Variants in TENM2 observed in about 807,000 individuals in gnomAD.
TENM2 encodes the protein teneurin transmembrane protein 2.
A neutral mutation model predicts 245.2 loss-of-function variants in TENM2; 52 were observed. That is an observed-to-expected ratio of 0.21 (90% confidence interval 0.17 to 0.27). The LOEUF is 0.27. TENM2 is among the 10% of genes least tolerant of loss of function. The pLI, the probability that TENM2 is intolerant of heterozygous loss-of-function variation, is 1.00. For synonymous variants in TENM2, 1,363 were observed against 1,438.9 expected, an observed-to-expected ratio of 0.95 and a Z score of 1.19; for missense variants, 3,046 against 3,666.8, an observed-to-expected ratio of 0.83 and a Z score of 4.37.
intron 2 of TENM2, among the ~76,000 whole-genome samples, chr5:167,683,351 A>C (rs1756865829): frequency 6.6e-6 from 1 of 152,114 alleles, no homozygotes; most frequent in African/African-American, 2.4e-5. Flanking sequence ...TGCTGAAAAG[A>C]AAGATGGCTC....
intron 2 of TENM2, among the ~76,000 whole-genome samples, chr5:167,620,166 A>T (rs1778067595): frequency 2.6e-5 from 4 of 152,292 alleles, no homozygotes; most frequent in Admixed American, 2.0e-4. Context: ...AGTCTAATTC[A>T]GACCTGCCCT....
chr5:167,312,606 A>C (rs1011179078), intron 1 of TENM2, among the ~76,000 whole-genome samples: 26 of 152,204 alleles, frequency 1.7e-4, no homozygotes, highest in Non-Finnish European at 3.2e-4. Context: ...GAACAAAAAA[A>C]AGAAATGATT....
intron 1 of TENM2, among the ~76,000 whole-genome samples, chr5:167,314,788 A>G (rs1210517681): frequency 6.6e-6 from 1 of 152,112 alleles, no homozygotes; most frequent in African/African-American, 2.4e-5. Context: ...CTTAATATAT[A>G]TTAATGATAT....
intron 12 of TENM2, among the ~76,000 whole-genome samples, chr5:168,150,430 A>G (rs1329103654): frequency 6.6e-6 from 1 of 152,162 alleles, no homozygotes; most frequent in Non-Finnish European, 1.5e-5. Flanking sequence ...CAGGGAGACC[A>G]CCCCACCACT....
At chr5:167,601,174 G>T (rs1198821054) in intron 2 of TENM2, among the ~76,000 whole-genome samples, 3 of 152,208 alleles carry the variant, frequency 2.0e-5, no homozygotes, top group Non-Finnish European at 4.4e-5. Flanking sequence ...ACTGGTACTT[G>T]TTCTTTACTC....
At chr5:168,257,040 A>T (rs1292631992) in intron 27 of TENM2, among the ~76,000 whole-genome samples, 2 of 152,098 alleles carry the variant, frequency 1.3e-5, no homozygotes, top group Non-Finnish European at 2.9e-5. Flanking sequence ...CATTCTATAG[A>T]TACTTACGGA....
At chr5:167,746,388 C>G (rs1299662179) in intron 2 of TENM2, among the ~76,000 whole-genome samples, 1 of 152,118 alleles carries the variant, frequency 6.6e-6, no homozygotes, top group East Asian at 1.9e-4. Flanking sequence ...GACATGGATA[C>G]ATAGATCGAT....
chr5:167,008,413 G>GT, the TENM2 span, among the ~76,000 whole-genome samples: 13 of 152,172 alleles, frequency 8.5e-5, no homozygotes, highest in Non-Finnish European at 1.3e-4. Context: ...GTGTCTGCCT[G>GT]TTTTCCTACA....
At chr5:167,808,038 A>T (rs1350574364) in intron 2 of TENM2, among the ~76,000 whole-genome samples, 2 of 152,230 alleles carry the variant, frequency 1.3e-5, no homozygotes, top group Admixed American at 1.3e-4. Context: ...AATGGACACC[A>T]TTCAATCACT....
chr5:167,704,677 CTT>C (rs1012854785), intron 2 of TENM2, among the ~76,000 whole-genome samples: 16 of 152,150 alleles, frequency 1.1e-4, no homozygotes, highest in African/African-American at 3.4e-4. Context: ...CACAGAGTGA[CTT>C]TGAGTTGCAG....
chr5:167,214,793 A>G, the TENM2 span, among the ~76,000 whole-genome samples: 7 of 152,206 alleles, frequency 4.6e-5, no homozygotes, highest in Non-Finnish European at 8.8e-5. Flanking sequence ...CAGTTGACTT[A>G]GCAGCAGACA....
intron 2 of TENM2, among the ~76,000 whole-genome samples, chr5:167,618,341 A>G (rs1481012592): frequency 2.6e-5 from 4 of 152,000 alleles, no homozygotes; most frequent in African/African-American, 9.7e-5. Flanking sequence ...CACCCCCTGT[A>G]AGCTCTCCCC....
chr5:167,563,734 G>T (rs1364231525), intron 2 of TENM2, among the ~76,000 whole-genome samples: 1 of 152,088 alleles, frequency 6.6e-6, no homozygotes, highest in East Asian at 1.9e-4. Flanking sequence ...TCTATACAGT[G>T]TTTTTACTGT....
chr5:167,461,372 A>G (rs1021339866), intron 2 of TENM2, among the ~76,000 whole-genome samples: 2 of 152,112 alleles, frequency 1.3e-5, no homozygotes, highest in Non-Finnish European at 2.9e-5. Context: ...TGGTCCATGT[A>G]CTAGATGGCC....
chr5:168,135,468 C>A (rs953618185), intron 12 of TENM2, among the ~76,000 whole-genome samples: 1 of 152,106 alleles, frequency 6.6e-6, no homozygotes, highest in Admixed American at 6.5e-5. Flanking sequence ...ACCTGCCAGT[C>A]AAAAATGGGG....
the TENM2 span, among the ~76,000 whole-genome samples, chr5:167,076,617 C>T: frequency 1.9e-4 from 29 of 152,058 alleles, no homozygotes; most frequent in African/African-American, 5.1e-4. Flanking sequence ...TCATAATAGT[C>T]GCTATATACT....
rs921513416 is a variant in TENM2, at chr5:167,777,875, T to C, written c.503-98111T>C. 7.9e-5 allele frequency among the ~76,000 whole-genome samples: 12 copies of C among 152,234 alleles called. 1 individual carries two copies. Among genetic ancestry groups the C allele is most frequent in the Admixed American group, 6.5e-4 (10 of 15,290 alleles). On this transcript the variant is annotated intron_variant, in intron 2 of 28. Coordinates refer to ENST00000518659, the Ensembl canonical transcript of TENM2. Reference sequence around the variant, plus strand: ...TTATTAAGTAACAGCATGTGTGTGCTTGTCCGAATTCTGTGGGATAGGGGT... The same window carrying C: ...TTATTAAGTAACAGCATGTGTGTGCCTGTCCGAATTCTGTGGGATAGGGGT...
Position 167,547,298 on chromosome 5 carries a change from T to A in TENM2, c.502+171825T>A, listed in dbSNP as rs1049286874. On this transcript the variant is annotated intron_variant, in intron 2 of 28. Coordinates refer to ENST00000518659, the Ensembl canonical transcript of TENM2. ...GTTGGCCAGGCTGGTCTCGAACACCTGACCTCAGATGATCCACCCGCCTCA... is the reference window on the plus strand; with the variant it reads ...GTTGGCCAGGCTGGTCTCGAACACCAGACCTCAGATGATCCACCCGCCTCA... 4.3e-4 allele frequency among the ~76,000 whole-genome samples: 66 copies of A among 152,246 alleles called. 1 individual carries two copies. The highest frequency in any genetic ancestry group is 1.5e-3 in the African/African-American group (62 of 41,540).
At chr5:167,468,982 A>G (rs918533971) in intron 2 of TENM2, among the ~76,000 whole-genome samples, 2 of 152,206 alleles carry the variant, frequency 1.3e-5, no homozygotes, top group African/African-American at 2.4e-5. Flanking sequence ...GTCTTCCTGA[A>G]TAATGTGTAA....
Sources: gnomAD v4.1 joint callset for allele counts (sites outside exome capture counted in the v4.1 genomes callset) on GRCh38, gnomAD v4.1.1 for gene constraint, MANE v1.5 for transcripts, NCBI Gene and HGNC (gene_info 2026-07-23, HGNC 2026-07-21) for gene names.